The following NELL2 variants were observed in gnomAD, a reference collection of about 807,000 sequenced individuals.
NELL2 encodes the protein protein kinase C-binding protein NELL2.
Under a neutral mutation model 109.6 loss-of-function variants are expected in NELL2, and 41 were observed. That is an observed-to-expected ratio of 0.37 (90% CI 0.29 to 0.49). The LOEUF (loss-of-function observed/expected upper bound fraction) is 0.49. Among genes scored for constraint, NELL2 ranks in the 20% least tolerant of loss-of-function variants. The pLI is 0.98. For synonymous variants in NELL2, 355 were observed against 344.7 expected (o/e 1.03, Z -0.33); for missense variants, 900 against 1,008.3 (o/e 0.89, Z 1.45).
intron 13 of NELL2, 144 bp downstream of exon 13, chr12:44,665,340 T>G (rs763203037): frequency 1.6e-6 from 1 of 640,196 alleles, no homozygotes; most frequent in Non-Finnish European, 2.5e-6. Context: ...GATTAAGAAA[T>G]AACTACCAAA....
At chr12:44,883,810 A>C (rs964592523) in intron 1 of NELL2, among the ~76,000 whole-genome samples, 1 of 152,002 alleles carries the variant, frequency 6.6e-6, no homozygotes, top group Non-Finnish European at 1.5e-5. Context: ...CCAACCCAAA[A>C]TCCTATAATA....
At chr12:44,522,199 A>G in intron 17 of NELL2, 23 bp from the exon 18 acceptor site, 2 of 1,607,580 alleles carry the variant, frequency 1.2e-6, no homozygotes, top group Middle Eastern at 1.7e-4. Flanking sequence ...GAAAAAAAGC[A>G]GTTACCAAAA....
At chr12:44,765,816 A>G (rs1055574534) in intron 9 of NELL2, among the ~76,000 whole-genome samples, 35 of 152,274 alleles carry the variant, frequency 2.3e-4, no homozygotes, top group African/African-American at 8.2e-4. Flanking sequence ...CATCTCAACC[A>G]TCTTTAAACT....
intron 13 of NELL2, among the ~76,000 whole-genome samples, chr12:44,613,740 T>G (rs562096831): frequency 6.6e-6 from 1 of 152,052 alleles, no homozygotes; most frequent in African/African-American, 2.4e-5. Context: ...TGATAATCCT[T>G]CACAAAAACA....
chr12:44,547,958 T>G (rs1005815868), intron 15 of NELL2, among the ~76,000 whole-genome samples: 2 of 152,214 alleles, frequency 1.3e-5, no homozygotes, highest in Non-Finnish European at 2.9e-5. Flanking sequence ...TTGCTGAACG[T>G]ATAATTGAAC....
intron 1 of NELL2, among the ~76,000 whole-genome samples, chr12:44,886,661 A>T (rs1013706709): frequency 2.0e-5 from 3 of 152,002 alleles, no homozygotes; most frequent in Non-Finnish European, 4.4e-5. Flanking sequence ...TTATGTTAGA[A>T]CCATCCAAAT....
chr12:44,576,841 C>T (rs1185325696), intron 15 of NELL2, among the ~76,000 whole-genome samples: 1 of 151,226 alleles, frequency 6.6e-6, no homozygotes, highest in Non-Finnish European at 1.5e-5. Context: ...TGATGATTTC[C>T]AATTTCATCC....
intron 8 of NELL2, among the ~76,000 whole-genome samples, chr12:44,775,772 T>C (rs1941734128): frequency 6.6e-6 from 1 of 152,190 alleles, no homozygotes; most frequent in Non-Finnish European, 1.5e-5. Flanking sequence ...TAATTTAAAT[T>C]GCTAACTTCA....
intron 9 of NELL2, among the ~76,000 whole-genome samples, chr12:44,762,628 C>G (rs1316969789): frequency 6.6e-6 from 1 of 152,202 alleles, no homozygotes; most frequent in African/African-American, 2.4e-5. Flanking sequence ...CAGCAGTCAC[C>G]TCTGCCACCT....
Position 44,655,075 on chromosome 12 carries a change from G to T in NELL2, c.1444+10409C>A, listed in dbSNP as rs923423885. The stretch of plus-strand genomic sequence containing the variant: ...ATAATCCTTTTATTCCCCTAGGGGA[G>T]TTTTCAGCTATCTGCTTTTCATATA... On this transcript the variant is annotated intron_variant, in intron 13 of 19. Transcript: ENST00000429094. Among the ~76,000 whole-genome samples the T allele has an allele frequency of 2.6e-5, 4 of 152,148 alleles. No individual in the cohort carries two copies. The East Asian group carries it at 7.7e-4, about 29-fold the overall frequency.
intron 9 of NELL2, among the ~76,000 whole-genome samples, chr12:44,762,800 A>G (rs1351576838): frequency 6.6e-6 from 1 of 152,186 alleles, no homozygotes; most frequent in African/African-American, 2.4e-5. Context: ...CTGATGGTAG[A>G]ATTTTACTTA....
intron 15 of NELL2, among the ~76,000 whole-genome samples, chr12:44,588,376 G>C (rs1196661149): frequency 6.6e-6 from 1 of 152,038 alleles, no homozygotes; most frequent in Admixed American, 6.5e-5. Context: ...CAAGCTTCAC[G>C]GCCAAGGCTG....
chr12:44,793,855 C>T (rs1345335043), intron 3 of NELL2, among the ~76,000 whole-genome samples: 1 of 152,146 alleles, frequency 6.6e-6, no homozygotes, highest in Non-Finnish European at 1.5e-5. Context: ...TCTTCAAAAT[C>T]AGTCACCATT....
chr12:44,512,490 G>GA (rs139720889), intron 19 of NELL2, among the ~76,000 whole-genome samples: 21 of 147,442 alleles, frequency 1.4e-4, no homozygotes, highest in East Asian at 7.9e-4. Context: ...TTACTGAAAG[G>GA]AAAAAAAAAA....
chr12:44,649,774 A>G (rs7137523), intron 13 of NELL2, among the ~76,000 whole-genome samples: 2,483 of 152,198 alleles, frequency 0.016, 68 homozygotes, highest in African/African-American at 0.057. Flanking sequence ...AAGAAATCAT[A>G]TTTTCCCCAT....
chr12:44,664,900 T>C (rs1947871064), intron 13 of NELL2, among the ~76,000 whole-genome samples: 1 of 152,070 alleles, frequency 6.6e-6, no homozygotes, highest in African/African-American at 2.4e-5. Context: ...AAAAGGAATA[T>C]GCTGTATTAC....
intron 14 of NELL2, among the ~76,000 whole-genome samples, chr12:44,610,252 A>ACC (rs1441339124): frequency 6.6e-6 from 1 of 151,688 alleles, no homozygotes; most frequent in African/African-American, 2.4e-5. Context: ...AAAAAAAAAA[A>ACC]AACAAAAAAA....
intron 2 of NELL2, among the ~76,000 whole-genome samples, chr12:44,838,559 C>T (rs1031251590): frequency 2.0e-5 from 3 of 152,106 alleles, no homozygotes; most frequent in African/African-American, 7.2e-5. Context: ...TACACAGGTT[C>T]ATGGTCAGGA....
chr12:44,655,861 C>T (rs1947480707), intron 13 of NELL2, among the ~76,000 whole-genome samples: 1 of 152,014 alleles, frequency 6.6e-6, no homozygotes. Flanking sequence ...CTTTAGGGGG[C>T]ATACTTTACA....
Sources: gnomAD v4.1 joint callset for allele counts (sites outside exome capture counted in the v4.1 genomes callset) on GRCh38, gnomAD v4.1.1 for gene constraint, MANE v1.5 for transcripts, NCBI Gene and HGNC (gene_info 2026-07-23, HGNC 2026-07-21) for gene names.